PPM1L: variants seen among roughly 807,000 people sequenced by gnomAD.
PPM1L encodes the protein protein phosphatase, Mg2+/Mn2+ dependent 1L, also known as protein phosphatase 1L.
In PPM1L, 13 loss-of-function variants were observed where a neutral mutation model predicts 31.4. That is an observed-to-expected ratio of 0.41 (90% CI 0.27 to 0.66). The LOEUF (loss-of-function observed/expected upper bound fraction) is 0.66. Among genes scored for constraint, PPM1L ranks in the 30% least tolerant of loss-of-function variants. PPM1L has a pLI of 0.29. For missense variants in PPM1L, 326 were observed against 453.7 expected, an observed-to-expected ratio of 0.72 and a Z score of 2.56; for synonymous variants, 184 against 175.4, an observed-to-expected ratio of 1.05 and a Z score of -0.39.
chr3:160,937,060 TTTA>T (rs148571915), intron 1 of PPM1L, among the ~76,000 whole-genome samples: 7,189 of 152,186 alleles, frequency 0.047, 416 homozygotes, highest in African/African-American at 0.12. Flanking sequence ...TGTGAACATT[TTTA>T]TTATATTCAC....
intron 2 of PPM1L, among the ~76,000 whole-genome samples, chr3:161,008,155 T>TCG (rs945891004): frequency 6.6e-6 from 1 of 152,174 alleles, no homozygotes; most frequent in Non-Finnish European, 1.5e-5. Context: ...TAAATATTAC[T>TCG]CTAACTTTCC....
At chr3:160,869,794 T>TATTATTGCAAACATGACTTGCAAAC (rs1712236209) in intron 1 of PPM1L, among the ~76,000 whole-genome samples, 2 of 152,088 alleles carry the variant, frequency 1.3e-5, no homozygotes, top group African/African-American at 4.8e-5. Flanking sequence ...ACTTAAAAGA[T>TATTATTGCAAACATGACTTGCAAAC]ATTATTGCAA....
intron 1 of PPM1L, among the ~76,000 whole-genome samples, chr3:160,917,225 G>C (rs1357209046): frequency 2.0e-5 from 3 of 152,110 alleles, no homozygotes; most frequent in African/African-American, 7.2e-5. Flanking sequence ...TAATTAGTGG[G>C]ACAAATTTGG....
At chr3:160,974,004 A>G (rs994273372) in intron 2 of PPM1L, among the ~76,000 whole-genome samples, 1 of 128,446 alleles carries the variant, frequency 7.8e-6, no homozygotes. Flanking sequence ...TATATCTCCC[A>G]GTGCTATCCC....
chr3:160,862,704 A>ACACACAC (rs1560130385), intron 1 of PPM1L, among the ~76,000 whole-genome samples: 19 of 117,708 alleles, frequency 1.6e-4, no homozygotes, highest in South Asian at 5.0e-4. Context: ...ACACACACAC[A>ACACACAC]AAATTCTGAA....
At chr3:161,014,981 T>TGGCAAAGA (rs1718034669) in intron 2 of PPM1L, among the ~76,000 whole-genome samples, 1 of 152,000 alleles carries the variant, frequency 6.6e-6, no homozygotes, top group South Asian at 2.1e-4. Context: ...TTATTGGAGC[T>TGGCAAAGA]GGCAAAGAAT....
chr3:161,005,701 A>G (rs1053124881), intron 2 of PPM1L, among the ~76,000 whole-genome samples: 4 of 152,218 alleles, frequency 2.6e-5, no homozygotes, highest in African/African-American at 9.7e-5. Flanking sequence ...ATGTGTTATG[A>G]CATGTAAAGC....
intron 2 of PPM1L, among the ~76,000 whole-genome samples, chr3:161,029,012 T>G (rs893920567): frequency 6.6e-6 from 1 of 152,168 alleles, no homozygotes; most frequent in Non-Finnish European, 1.5e-5. Context: ...TTTAAGCACT[T>G]ATGGTGAGCA....
At chr3:160,841,656 G>A (rs749735946) in intron 1 of PPM1L, among the ~76,000 whole-genome samples, 7 of 152,162 alleles carry the variant, frequency 4.6e-5, no homozygotes, top group Non-Finnish European at 8.8e-5. Context: ...TTTAGGCAGA[G>A]TCAAGCAGAG....
chr3:161,012,361 A>T (rs1455729912), intron 2 of PPM1L, among the ~76,000 whole-genome samples: 7 of 152,288 alleles, frequency 4.6e-5, no homozygotes, highest in Non-Finnish European at 1.0e-4. Context: ...CATCCCAGGG[A>T]TGAAGCCCAC....
At chr3:161,010,531 A>G (rs1717858468) in intron 2 of PPM1L, among the ~76,000 whole-genome samples, 1 of 152,212 alleles carries the variant, frequency 6.6e-6, no homozygotes, top group Non-Finnish European at 1.5e-5. Flanking sequence ...TCCTTTGGGT[A>G]TATACCCAGT....
chr3:160,865,336 A>G (rs1293793654), intron 1 of PPM1L, among the ~76,000 whole-genome samples: 2 of 152,234 alleles, frequency 1.3e-5, no homozygotes, highest in East Asian at 3.8e-4. Context: ...ATTTTAGGGT[A>G]GATGGAAGGT....
chr3:160,959,914 A>G (rs938089835), intron 1 of PPM1L, among the ~76,000 whole-genome samples: 2 of 152,190 alleles, frequency 1.3e-5, no homozygotes, highest in East Asian at 3.9e-4. Context: ...CCTATATGAT[A>G]ATGCTAAATA....
intron 1 of PPM1L, among the ~76,000 whole-genome samples, chr3:160,920,185 C>A (rs965854777): frequency 3.9e-5 from 6 of 152,152 alleles, no homozygotes; most frequent in Non-Finnish European, 8.8e-5. Flanking sequence ...GAGTGTCAGC[C>A]AAGGGCAGGA....
chr3:160,826,422 T>C (rs1713357754), intron 1 of PPM1L, among the ~76,000 whole-genome samples: 1 of 152,170 alleles, frequency 6.6e-6, no homozygotes, highest in African/African-American at 2.4e-5. Flanking sequence ...TTAGAGGCCA[T>C]TAGAGCAATT....
At chr3:160,918,604 G>A (rs1019072767) in intron 1 of PPM1L, among the ~76,000 whole-genome samples, 1 of 152,088 alleles carries the variant, frequency 6.6e-6, no homozygotes, top group Non-Finnish European at 1.5e-5. Context: ...CTTTCCTTAA[G>A]AGTTCTTATT....
At chr3:160,960,953 G>A (rs1426416572) in intron 1 of PPM1L, among the ~76,000 whole-genome samples, 1 of 152,112 alleles carries the variant, frequency 6.6e-6, no homozygotes, top group Non-Finnish European at 1.5e-5. Context: ...CATGTGGAAC[G>A]TGCTTACCTG....
chr3:160,812,207 A>G (rs1712833799), intron 1 of PPM1L, among the ~76,000 whole-genome samples: 1 of 152,182 alleles, frequency 6.6e-6, no homozygotes, highest in African/African-American at 2.4e-5. Flanking sequence ...ATCTGCTGCC[A>G]AGAACGGTTC....
chr3:160,862,662 GCACACA>G lies in PPM1L; in HGVS notation c.400-99037_400-99032del, dbSNP rs6148164. 3.2e-3 allele frequency among the ~76,000 whole-genome samples: 413 copies of G among 127,214 alleles called. 2 individuals carry two copies. Among genetic ancestry groups the G allele is most frequent in the East Asian group, 0.012 (53 of 4,424 alleles). 83.5% of individuals were successfully genotyped at this position (127,214 alleles called of 152,430 possible). A position where few individuals can be genotyped will look rare whatever the true frequency, so the allele number is the denominator to read the frequency against. On this transcript the variant is annotated intron_variant, in intron 1 of 3. Transcript: ENST00000498165. ...TCTCCATTCCTAATCCTAGGCACAC[GCACACA>G]CACACACACACACACACACACACAC...
Sources: allele counts gnomAD v4.1 joint callset (sites outside exome capture counted in the v4.1 genomes callset), GRCh38; gene constraint gnomAD v4.1.1; transcripts MANE v1.5; gene names NCBI Gene and HGNC (gene_info 2026-07-23, HGNC 2026-07-21).